The following NUP58 variants were observed in gnomAD, a reference collection of about 807,000 sequenced individuals.
NUP58 encodes the protein nucleoporin 58, also known as nucleoporin p58/p45.
Under a neutral mutation model 70.1 loss-of-function variants are expected in NUP58, and 17 were observed. The observed-to-expected ratio is 0.24, with a 90% CI of 0.17 to 0.36. NUP58 has a LOEUF of 0.36. Ranked by LOEUF, NUP58 falls within the 10% of genes least tolerant of loss-of-function variation. The pLI is 1.00. For synonymous variants in NUP58, 275 were observed against 257.6 expected, an observed-to-expected ratio of 1.07 and a Z score of -0.65; for missense variants, 644 against 701.5, an observed-to-expected ratio of 0.92 and a Z score of 0.93.
Position 25,301,814 on chromosome 13 carries a change from C to T in NUP58, c.41C>T (p.Ser14Phe), listed in dbSNP as rs533498614. Residue 14 changes from serine (S) to phenylalanine (F), a missense_variant, in exon 1 of 16, where the codon TCC (serine) becomes TTC (phenylalanine). Around this residue, in one of 4 missense-constraint regions of NUP58, gnomAD observed 430 missense variants for 409.2 expected, o/e 1.05. Transcript: ENST00000381736. Reference sequence around the variant, plus strand: ...TCCTTCGGGTCCGGGACTCTGGGCTCCACCACCGTGGCCGCCGGCGGGACC... The same window carrying T: ...TCCTTCGGGTCCGGGACTCTGGGCTTCACCACCGTGGCCGCCGGCGGGACC... Reference protein sequence around the residue: ...GFSFGSGTLGSTTVAAGGTST... With the variant: ...GFSFGSGTLGFTTVAAGGTST... The T allele has an allele frequency of 1.2e-6, 2 of 1,613,576 alleles. No homozygotes were observed. Among genetic ancestry groups the T allele is most frequent in the African/African-American group, 1.3e-5 (1 of 74,934 alleles).
chr13:25,334,187 T>C, intron 13 of NUP58: 4 of 985,436 alleles, frequency 4.1e-6, no homozygotes, highest in Non-Finnish European at 4.8e-6. Flanking sequence ...CGTAGTTCCA[T>C]GTTGGCAGAA....
At chr13:25,344,626 T>A (rs1281707910), downstream of NUP58, among the ~76,000 whole-genome samples, 1 of 152,172 alleles carries the variant, frequency 6.6e-6, no homozygotes, top group Non-Finnish European at 1.5e-5. Context: ...ATTCTGAGAT[T>A]TTTATTGGAT....
Position 25,301,778 on chromosome 13 carries a change from C to A in NUP58, c.5C>A (p.Ser2Tyr), listed in dbSNP as rs1237702889. 6.2e-7 allele frequency: 1 copy of A among 1,611,756 alleles called. No individual in the cohort carries two copies. The highest frequency in any genetic ancestry group is 2.2e-5 in the East Asian group (1 of 44,764). Residue 2 changes from serine to tyrosine, a missense_variant, in exon 1 of 16, where the codon TCC becomes TAC. Transcript: ENST00000381736. ...GGCGTCGAGCCCTGGCCAGACATGT[C>A]CACAGGGTTCTCCTTCGGGTCCGGG... Reference protein sequence around the residue: MSTGFSFGSGTL... With the variant: MYTGFSFGSGTL...
chr13:25,324,517 A>G (rs1029641858), intron 9 of NUP58, among the ~76,000 whole-genome samples: 1 of 152,202 alleles, frequency 6.6e-6, no homozygotes, highest in Admixed American at 6.5e-5. Context: ...ATCTATAAAA[A>G]GAGAAACATT....
At chr13:25,345,662 A>G (rs1346561729), downstream of NUP58, among the ~76,000 whole-genome samples, 1 of 152,154 alleles carries the variant, frequency 6.6e-6, no homozygotes, top group Non-Finnish European at 1.5e-5. Context: ...GTCAAAGAGA[A>G]GTTTAACAAG....
intron 1 of NUP58, among the ~76,000 whole-genome samples, chr13:25,305,105 G>A (rs1247073037): frequency 6.9e-6 from 1 of 145,810 alleles, no homozygotes; most frequent in Non-Finnish European, 1.5e-5. Context: ...TTTAAATTAA[G>A]ACTAAATGTT....
rs1176978940 is a variant in NUP58, at chr13:25,338,737, T to C, written c.1630+6T>C. 1 of 1,606,286 alleles carries C rather than the reference T, an allele frequency of 6.2e-7. No homozygotes were observed. Among genetic ancestry groups the C allele is most frequent in the Non-Finnish European group, 8.5e-7 (1 of 1,173,384 alleles). ...CTCAGGAAGTCTTAGTGCAGGTTTG[T>C]GTGTTTCTGCCTGGATTTCAGGCAA... On this transcript the variant is annotated splice_donor_region_variant and intron_variant, in intron 15 of 15. Transcript: ENST00000381736.
At chr13:25,309,953 T>C (rs1050672447) in intron 3 of NUP58, 3 of 348,244 alleles carry the variant, frequency 8.6e-6, no homozygotes, top group East Asian at 1.2e-4. Flanking sequence ...ACACCTGTTA[T>C]TAACAGAAAA....
At chr13:25,346,349 A>G (rs1303859020), downstream of NUP58, among the ~76,000 whole-genome samples, 5 of 152,190 alleles carry the variant, frequency 3.3e-5, no homozygotes, top group African/African-American at 1.2e-4. Context: ...ATTCAAACCC[A>G]GGCAGTCTAT....
chr13:25,304,170 G>GT (rs2030173483), intron 1 of NUP58, among the ~76,000 whole-genome samples: 1 of 151,972 alleles, frequency 6.6e-6, no homozygotes, highest in South Asian at 2.1e-4. Context: ...TAGCTATTAT[G>GT]TTAGCTACCA....
Position 25,332,052 on chromosome 13 carries a change from A to G in NUP58, c.1435+494A>G, listed in dbSNP as rs150619871. On this transcript the variant is annotated intron_variant, in intron 13 of 15. Coordinates refer to ENST00000381736, the MANE Select transcript of NUP58 (RefSeq NM_014089.4). ...TTGACTGAAGGTATGTTGAAGATCA[A>G]TAGGCTTGTTTGTATGTATGTTGAC... The G allele has an allele frequency of 1.0e-3, 1,015 of 1,005,988 alleles. 2 individuals carry two copies. In the African/African-American group the frequency reaches 0.01, roughly 10 times the overall value. The allele number at this position is 1,005,988 out of a possible 1,614,324, so 62.3% of individuals were successfully genotyped here.
downstream of NUP58, among the ~76,000 whole-genome samples, chr13:25,346,228 T>C (rs1332960322): frequency 6.6e-6 from 1 of 152,202 alleles, no homozygotes; most frequent in Non-Finnish European, 1.5e-5. Context: ...TTAACTCATT[T>C]AGTCCTCAAT....
intron 14 of NUP58, among the ~76,000 whole-genome samples, chr13:25,337,754 T>A (rs1159558273): frequency 6.6e-6 from 1 of 152,156 alleles, no homozygotes; most frequent in Non-Finnish European, 1.5e-5. Context: ...TAATATAGAC[T>A]CTGTTCTAAA....
intron 6 of NUP58, among the ~76,000 whole-genome samples, chr13:25,317,161 G>T (rs769827473): frequency 1.3e-5 from 2 of 152,220 alleles, no homozygotes; most frequent in Non-Finnish European, 2.9e-5. Context: ...AGAGGGGACA[G>T]CGTCAAGTGA....
intron 3 of NUP58, chr13:25,310,155 T>C (rs1318988736): frequency 5.4e-6 from 1 of 185,140 alleles, no homozygotes; most frequent in African/African-American, 2.4e-5. Flanking sequence ...CGATCTTCTC[T>C]GGGGTTCCCA....
intron 15 of NUP58, 56 bp from the exon 16 acceptor site, chr13:25,339,909 A>G: frequency 6.3e-6 from 9 of 1,437,738 alleles, no homozygotes; most frequent in Non-Finnish European, 2.8e-6. Context: ...CCCTGTTTTT[A>G]TATTTGTTTT....
chr13:25,335,987 A>G (rs1056455388), intron 13 of NUP58: 11 of 1,106,938 alleles, frequency 9.9e-6, no homozygotes, highest in African/African-American at 1.7e-5. Context: ...AAAAAAAAAA[A>G]TAGTAGTTTA....
At chr13:25,346,289 C>T (rs1593207472), downstream of NUP58, among the ~76,000 whole-genome samples, 1 of 152,122 alleles carries the variant, frequency 6.6e-6, no homozygotes, top group Non-Finnish European at 1.5e-5. Flanking sequence ...AGAAAACAGG[C>T]ACAGTTGTTA....
chr13:25,337,849 A>G (rs1016038752), intron 14 of NUP58, among the ~76,000 whole-genome samples: 1 of 152,182 alleles, frequency 6.6e-6, no homozygotes, highest in African/African-American at 2.4e-5. Context: ...GTTACAGGCA[A>G]TGATACTGTC....
Sources: allele counts gnomAD v4.1 joint callset (sites outside exome capture counted in the v4.1 genomes callset), GRCh38; gene constraint gnomAD v4.1.1; regional missense constraint gnomAD v4.1.1; transcripts MANE v1.5; gene names NCBI Gene and HGNC (gene_info 2026-07-23, HGNC 2026-07-21).